AGBL1: variants seen among roughly 807,000 people sequenced by gnomAD.
The protein encoded by AGBL1 is AGBL carboxypeptidase 1, also known as cytosolic carboxypeptidase 4.
A neutral mutation model predicts 118.9 loss-of-function variants in AGBL1; 130 were observed. That is an observed-to-expected ratio of 1.09 (90% CI 0.95 to 1.26). The LOEUF is 1.26. AGBL1 is among the 50% of genes most tolerant of loss of function. The pLI is 0.00. For missense variants in AGBL1, 1,584 were observed against 1,298.1 expected, an observed-to-expected ratio of 1.22 and a Z score of -3.38; for synonymous variants, 555 against 478.9, an observed-to-expected ratio of 1.16 and a Z score of -2.08.
chr15:86,415,847 C>T (rs1393835337), intron 18 of AGBL1, among the ~76,000 whole-genome samples: 1 of 152,034 alleles, frequency 6.6e-6, no homozygotes, highest in Non-Finnish European at 1.5e-5. Context: ...AAGTTGTGCT[C>T]TTATAAATGT....
chr15:86,888,746 T>C (rs1245717096), intron 22 of AGBL1, among the ~76,000 whole-genome samples: 1 of 152,200 alleles, frequency 6.6e-6, no homozygotes, highest in Non-Finnish European at 1.5e-5. Flanking sequence ...TTCATGTCTA[T>C]GTACCTCTAG....
chr15:86,792,365 A>T (rs757577018), intron 22 of AGBL1, among the ~76,000 whole-genome samples: 2 of 152,200 alleles, frequency 1.3e-5, no homozygotes, highest in Admixed American at 6.5e-5. Flanking sequence ...TAATTCTGAT[A>T]TAACCTGTTC....
chr15:86,453,130 C>T (rs888578534), intron 18 of AGBL1, among the ~76,000 whole-genome samples: 2 of 152,110 alleles, frequency 1.3e-5, no homozygotes, highest in Admixed American at 6.5e-5. Flanking sequence ...GTCTTGTCTG[C>T]GACTCTATCC....
intron 17 of AGBL1, among the ~76,000 whole-genome samples, chr15:86,392,367 GTA>G (rs2141982446): frequency 6.6e-6 from 1 of 152,266 alleles, no homozygotes; most frequent in African/African-American, 2.4e-5. Flanking sequence ...GTTTGCGTTA[GTA>G]TAAATGATGT....
chr15:86,104,737 C>A (rs964748150), intron 1 of AGBL1, among the ~76,000 whole-genome samples: 1 of 152,156 alleles, frequency 6.6e-6, no homozygotes, highest in Non-Finnish European at 1.5e-5. Context: ...AGGATGCAGT[C>A]TGGTGAGGGC....
chr15:86,383,540 T>C (rs1451119368), intron 17 of AGBL1, among the ~76,000 whole-genome samples: 1 of 152,260 alleles, frequency 6.6e-6, no homozygotes, highest in East Asian at 1.9e-4. Flanking sequence ...TGAGCTGGGA[T>C]TGCACCACGG....
chr15:86,122,552 A>G (rs72750269), intron 1 of AGBL1, among the ~76,000 whole-genome samples: 18,202 of 152,212 alleles, frequency 0.12, 1,444 homozygotes, highest in Middle Eastern at 0.22. Flanking sequence ...TGTGTTTATC[A>G]CTGACCCTGG....
intron 18 of AGBL1, among the ~76,000 whole-genome samples, chr15:86,428,122 G>T (rs1039105457): frequency 1.3e-5 from 2 of 152,124 alleles, no homozygotes; most frequent in Admixed American, 6.6e-5. Context: ...ATTTAAAAAG[G>T]GTCCTAAATA....
intron 22 of AGBL1, among the ~76,000 whole-genome samples, chr15:86,852,035 T>C (rs921087725): frequency 6.6e-6 from 1 of 152,178 alleles, no homozygotes; most frequent in Non-Finnish European, 1.5e-5. Flanking sequence ...CACTGTTGGA[T>C]GGATGAATGG....
intron 5 of AGBL1, among the ~76,000 whole-genome samples, chr15:86,175,830 T>G (rs2077474573): frequency 6.6e-6 from 1 of 152,228 alleles, no homozygotes; most frequent in African/African-American, 2.4e-5. Flanking sequence ...TCTAGTTTTA[T>G]TCCACTGTGA....
At chr15:86,283,676 C>T (rs1289929093) in intron 16 of AGBL1, among the ~76,000 whole-genome samples, 1 of 152,104 alleles carries the variant, frequency 6.6e-6, no homozygotes, top group East Asian at 1.9e-4. Context: ...GGCCATAAAT[C>T]AGCACTGTCA....
chr15:86,123,743 G>T (rs1238605737), intron 1 of AGBL1, among the ~76,000 whole-genome samples: 2 of 152,160 alleles, frequency 1.3e-5, no homozygotes, highest in Non-Finnish European at 2.9e-5. Context: ...TCCCTAAAGG[G>T]TATAAAACCA....
At chr15:86,516,001 G>C (rs930773329) in intron 18 of AGBL1, among the ~76,000 whole-genome samples, 4 of 152,106 alleles carry the variant, frequency 2.6e-5, no homozygotes, top group Non-Finnish European at 4.4e-5. Context: ...AACTCAAAGC[G>C]GGGGAGGGAG....
At chr15:86,537,986 C>T (rs755636813) in intron 19 of AGBL1, among the ~76,000 whole-genome samples, 23 of 152,262 alleles carry the variant, frequency 1.5e-4, no homozygotes, top group Non-Finnish European at 2.6e-4. Flanking sequence ...GATTTACAGG[C>T]GCTCTTTCAT....
chr15:86,109,708 G>C (rs1006841135), intron 1 of AGBL1: 1 of 152,192 alleles, frequency 6.6e-6, no homozygotes, highest in Non-Finnish European at 1.5e-5. Flanking sequence ...AGTTTTGAAA[G>C]AGCATTTTAT....
intron 21 of AGBL1, among the ~76,000 whole-genome samples, chr15:86,620,439 C>A (rs940490262): frequency 3.9e-5 from 6 of 152,170 alleles, no homozygotes; most frequent in African/African-American, 1.2e-4. Flanking sequence ...GATTGCACCC[C>A]ATCACTCCCA....
At chr15:86,362,305 C>T (rs1037706447) in intron 17 of AGBL1, among the ~76,000 whole-genome samples, 11 of 152,032 alleles carry the variant, frequency 7.2e-5, no homozygotes, top group African/African-American at 2.4e-4. Flanking sequence ...CTTTTAACTT[C>T]GATAGTAGAG....
Position 86,562,311 on chromosome 15 carries a change from T to C in AGBL1, c.2994+7774T>C, listed in dbSNP as rs527377824. Among the ~76,000 whole-genome samples, 13 of 152,342 alleles carry C rather than the reference T, an allele frequency of 8.5e-5. No individual in the cohort carries two copies. The East Asian group carries it at 2.1e-3, about 25-fold the overall frequency. Reference sequence around the variant, plus strand: ...AAATAGCTCTTATTATTTTGAGATATGTCCCATCAATACCTAATTTCTTGA... The same window carrying C: ...AAATAGCTCTTATTATTTTGAGATACGTCCCATCAATACCTAATTTCTTGA... On this transcript the variant is annotated intron_variant, in intron 21 of 22. Coordinates refer to ENST00000614907, the MANE Select transcript of AGBL1 (RefSeq NM_001386094.1).
intron 21 of AGBL1, among the ~76,000 whole-genome samples, chr15:86,610,852 G>C (rs957762271): frequency 6.6e-6 from 1 of 151,970 alleles, no homozygotes; most frequent in Non-Finnish European, 1.5e-5. Context: ...TGTAGAGGTC[G>C]TGATATTCAC....
Sources: gnomAD v4.1 joint callset for allele counts (sites outside exome capture counted in the v4.1 genomes callset) on GRCh38, gnomAD v4.1.1 for gene constraint, MANE v1.5 for transcripts, NCBI Gene and HGNC (gene_info 2026-07-23, HGNC 2026-07-21) for gene names.